Variants in DERA observed in about 807,000 individuals in gnomAD.
DERA encodes 2-deoxy-D-ribose 5-phosphate aldolase.
In DERA, 15 loss-of-function variants were observed where a neutral mutation model predicts 41.1. The ratio of observed to expected loss-of-function variants is 0.37; its 90% CI spans 0.24 to 0.56. The LOEUF (loss-of-function observed/expected upper bound fraction) is 0.56. Ranked by LOEUF, DERA falls within the 20% of genes least tolerant of loss-of-function variation. The pLI is 0.81. For synonymous variants in DERA, 139 were observed against 137.4 expected (o/e 1.01, Z -0.08); for missense variants, 396 against 403.4 (o/e 0.98, Z 0.16).
At chr12:15,933,243 A>G (rs1016651544) in intron 1 of DERA, among the ~76,000 whole-genome samples, 2 of 152,186 alleles carry the variant, frequency 1.3e-5, no homozygotes, top group Non-Finnish European at 2.9e-5. Flanking sequence ...AGGAACCTCT[A>G]TATACCATTC....
At position 16,017,328 on chromosome 12, in the gene DERA, G is replaced by A. The variant is rs1948989521; in HGVS notation, c.638-15214G>A. 2.0e-5 allele frequency among the ~76,000 whole-genome samples: 3 copies of A among 152,190 alleles called. No homozygotes were observed. Among genetic ancestry groups the A allele is most frequent in the Admixed American group, 6.5e-5 (1 of 15,280 alleles). ...CATTGCTAACGTGATGGACTGGACC[G>A]ACAGAGAATTACTCTGTAGCTCACT... On this transcript the variant is annotated intron_variant, in intron 6 of 8. Transcript: ENST00000428559. The surrounding 1 kb of genome is among the most constrained non-coding windows in gnomAD (Gnocchi z 5.5).
Position 15,915,886 on chromosome 12 carries a change from T to C in DERA, c.31+4472T>C, listed in dbSNP as rs74065503. On this transcript the variant is annotated intron_variant, in intron 1 of 8. Coordinates refer to ENST00000428559, the MANE Select transcript of DERA (RefSeq NM_015954.4). The surrounding 1 kb of genome is among the most constrained non-coding windows in gnomAD (Gnocchi z 4.8). Reference sequence around the variant, plus strand: ...CCGAAAACCAGTTAGGTATAGCTAATGTGGCAGAGCCAGAATTCAAGCCCA... The same window carrying C: ...CCGAAAACCAGTTAGGTATAGCTAACGTGGCAGAGCCAGAATTCAAGCCCA... 0.013 allele frequency among the ~76,000 whole-genome samples: 2,053 copies of C among 152,312 alleles called. 45 individuals are homozygous for C. Among genetic ancestry groups the C allele is most frequent in the African/African-American group, 0.047 (1,943 of 41,562 alleles).
intron 1 of DERA, among the ~76,000 whole-genome samples, chr12:15,925,807 C>CATCAACTCCT (rs1421243666): frequency 9.8e-5 from 14 of 142,314 alleles, no homozygotes; most frequent in Admixed American, 9.7e-4. Context: ...GTGAGGCCCT[C>CATCAACTCCT]ATCAACTCCT....
intron 5 of DERA, among the ~76,000 whole-genome samples, chr12:15,979,414 C>T (rs1307332091): frequency 6.6e-6 from 1 of 152,218 alleles, no homozygotes; most frequent in Non-Finnish European, 1.5e-5. Flanking sequence ...AAGAAAATAT[C>T]TAACTATTCT....
At chr12:15,971,085 GT>G (rs1343364636) in intron 5 of DERA, among the ~76,000 whole-genome samples, 1 of 152,166 alleles carries the variant, frequency 6.6e-6, no homozygotes, top group African/African-American at 2.4e-5. Context: ...TTGTCATTAG[GT>G]TGTGACAATT....
chr12:16,012,665 T>A lies in DERA; in HGVS notation c.638-19877T>A, dbSNP rs1592050010. On this transcript the variant is annotated intron_variant, in intron 6 of 8. Transcript: ENST00000428559. This position sits in a 1 kb window ranked among gnomAD's most constrained non-coding sequence, Gnocchi z 4.1. ...GAATTAAGCCTTTTTTCTCAATAAA[T>A]TTTAAACCAACATTTTAAAGATATT... Among the ~76,000 whole-genome samples the A allele has an allele frequency of 6.6e-6, 1 of 152,302 alleles. No homozygotes were observed. Among genetic ancestry groups the A allele is most frequent in the East Asian group, 1.9e-4 (1 of 5,182 alleles).
At chr12:15,930,779 C>T (rs1021563706) in intron 1 of DERA, among the ~76,000 whole-genome samples, 1 of 152,046 alleles carries the variant, frequency 6.6e-6, no homozygotes, top group African/African-American at 2.4e-5. Context: ...ATATGCTTTT[C>T]ATAGTTTGTA....
rs1948698488 is a variant in DERA, at chr12:15,976,531, CT to C, written c.509-5776del. On this transcript the variant is annotated intron_variant, in intron 5 of 8. Transcript: ENST00000428559. This position sits in a 1 kb window ranked among gnomAD's most constrained non-coding sequence, Gnocchi z 4.1. ...TGGCAGTGTGTGGCTGAGAAAATCC[CT>C]GCTCTCCCTTGTCTGTGGTTGAGAG... Among the ~76,000 whole-genome samples the C allele has an allele frequency of 6.6e-6, 1 of 152,152 alleles. No homozygotes were observed. Among genetic ancestry groups the C allele is most frequent in the Non-Finnish European group, 1.5e-5 (1 of 68,038 alleles).
At chr12:15,926,788 A>G (rs1404050902) in intron 1 of DERA, among the ~76,000 whole-genome samples, 1 of 152,000 alleles carries the variant, frequency 6.6e-6, no homozygotes, top group African/African-American at 2.4e-5. Flanking sequence ...GGTTACCAGA[A>G]TTGTGGGTAA....
At position 15,931,552 on chromosome 12, in the gene DERA, A is replaced by G. The variant is rs1316766898; in HGVS notation, c.31+20138A>G. Among the ~76,000 whole-genome samples, 2 of 152,210 alleles carry G rather than the reference A, an allele frequency of 1.3e-5. No homozygotes were observed. The highest frequency in any genetic ancestry group is 2.9e-5 in the Non-Finnish European group (2 of 68,040). The stretch of plus-strand genomic sequence containing the variant: ...TTTTCCCAGAGTACATTAAGTTGAA[A>G]AACTACATGTTTGGAAATCTAAATG... On this transcript the variant is annotated intron_variant, in intron 1 of 8. Coordinates refer to ENST00000428559, the MANE Select transcript of DERA (RefSeq NM_015954.4). The surrounding 1 kb of genome is among the most constrained non-coding windows in gnomAD (Gnocchi z 4.6).
rs1948965199 is a variant in DERA at position 16,014,160 on chromosome 12, GA to G, written c.638-18375del. Among the ~76,000 whole-genome samples, 17 of 152,222 alleles carry G rather than the reference GA, an allele frequency of 1.1e-4. No individual in the cohort carries two copies. In the South Asian group the frequency reaches 3.5e-3, roughly 32 times the overall value. ...AAATTTGCAGCCTGATGATGTGATA[GA>G]AAAAAACCCACTTTCTGAGGAGAAA... On this transcript the variant is annotated intron_variant, in intron 6 of 8. Coordinates refer to ENST00000428559, the MANE Select transcript of DERA (RefSeq NM_015954.4). This position sits in a 1 kb window ranked among gnomAD's most constrained non-coding sequence, Gnocchi z 5.4.
chr12:15,968,467 G>A (rs1565599640), intron 5 of DERA, among the ~76,000 whole-genome samples: 1 of 152,162 alleles, frequency 6.6e-6, no homozygotes, highest in Admixed American at 6.5e-5. Flanking sequence ...GACATCACCC[G>A]GCCAGGCAGC....
rs545968648 is a variant in DERA, at chr12:15,939,624, T to A, written c.32-17312T>A. On this transcript the variant is annotated intron_variant, in intron 1 of 8. Transcript: ENST00000428559. ...AGAGGCTTTGGTGTTTTATTTAATATTTTTTTAAATAAAAGATTTTCAACT... is the reference window on the plus strand; with the variant it reads ...AGAGGCTTTGGTGTTTTATTTAATAATTTTTTAAATAAAAGATTTTCAACT... Among the ~76,000 whole-genome samples the A allele has an allele frequency of 1.1e-3, 170 of 152,248 alleles. 2 individuals carry two copies. The highest frequency in any genetic ancestry group is 7.5e-4 in the Non-Finnish European group (51 of 68,020).
chr12:15,955,673 G>C (rs1211596466), intron 1 of DERA, among the ~76,000 whole-genome samples: 1 of 152,196 alleles, frequency 6.6e-6, no homozygotes, highest in Admixed American at 6.5e-5. Flanking sequence ...TAATCACTCA[G>C]AGTCCACCTT....
chr12:16,034,326 C>T (rs1949112773), intron 7 of DERA, among the ~76,000 whole-genome samples: 1 of 152,204 alleles, frequency 6.6e-6, no homozygotes, highest in South Asian at 2.1e-4. Flanking sequence ...TCTTAGACAA[C>T]AAGCAAAGAA....
At chr12:15,923,313 C>T (rs940833166) in intron 1 of DERA, among the ~76,000 whole-genome samples, 4 of 152,108 alleles carry the variant, frequency 2.6e-5, no homozygotes, top group Admixed American at 1.3e-4. Flanking sequence ...TGAGCCACCG[C>T]GCCCGGCCTG....
rs906457944 is a variant in DERA at position 15,911,862 on chromosome 12, T to C, written c.31+448T>C. 2 of 438,634 alleles carry C rather than the reference T, an allele frequency of 4.6e-6. No individual in the cohort carries two copies. Among genetic ancestry groups the C allele is most frequent in the Non-Finnish European group, 9.1e-6 (2 of 218,844 alleles). The allele number at this position is 438,634 out of a possible 1,614,324, so 27.2% of individuals were successfully genotyped here. On this transcript the variant is annotated intron_variant, in intron 1 of 8. Coordinates refer to ENST00000428559, the MANE Select transcript of DERA (RefSeq NM_015954.4). The surrounding 1 kb of genome is among the most constrained non-coding windows in gnomAD (Gnocchi z 4.5). ...AACCGTAACCTTGAAGTGGCCGTGC[T>C]CGTGGAAAAGTTGTCAGCCGTCTGT...
rs1948250755 is a variant in DERA, at chr12:15,922,390, C to T, written c.31+10976C>T. On this transcript the variant is annotated intron_variant, in intron 1 of 8. Coordinates refer to ENST00000428559, the MANE Select transcript of DERA (RefSeq NM_015954.4). The surrounding 1 kb of genome is among the most constrained non-coding windows in gnomAD (Gnocchi z 4.9). ...TGGATTTTTATTAGTGAAAACATTT[C>T]CATAGATCTGTCTCCAGCAAGAAAA... Among the ~76,000 whole-genome samples, 1 of 149,316 alleles carries T rather than the reference C, an allele frequency of 6.7e-6. No homozygotes were observed. The highest frequency in any genetic ancestry group is 6.8e-5 in the Admixed American group (1 of 14,754).
chr12:15,952,258 A>G (rs1948503838), intron 1 of DERA, among the ~76,000 whole-genome samples: 1 of 152,206 alleles, frequency 6.6e-6, no homozygotes, highest in Non-Finnish European at 1.5e-5. Context: ...GCTATATATT[A>G]TTGAACTGGA....
Sources: allele counts gnomAD v4.1 joint callset (sites outside exome capture counted in the v4.1 genomes callset), GRCh38; gene constraint gnomAD v4.1.1; non-coding constraint Gnocchi (gnomAD v3.1); transcripts MANE v1.5; gene names NCBI Gene and HGNC (gene_info 2026-07-23, HGNC 2026-07-21).